FSTL5: variants seen among roughly 807,000 people sequenced by gnomAD.
The protein encoded by FSTL5 is follistatin like 5, also known as follistatin-related protein 5.
A neutral mutation model predicts 89.1 loss-of-function variants in FSTL5; 62 were observed. That is an observed-to-expected ratio of 0.70 (90% CI 0.57 to 0.86). The LOEUF is 0.86. Ranked by LOEUF, FSTL5 falls within the 40% of genes least tolerant of loss-of-function variation. The pLI is 0.00. For synonymous variants in FSTL5, 383 were observed against 346.2 expected (o/e 1.11, Z -1.18); for missense variants, 1,057 against 1,001.6 (o/e 1.06, Z -0.75).
chr4:161,779,289 G>T (rs1741534906), intron 4 of FSTL5, among the ~76,000 whole-genome samples: 1 of 152,050 alleles, frequency 6.6e-6, no homozygotes, highest in African/African-American at 2.4e-5. Flanking sequence ...AAAAATTGCA[G>T]TTAAGGCATT....
chr4:161,794,513 CT>C (rs940404139), intron 4 of FSTL5, among the ~76,000 whole-genome samples: 3 of 152,082 alleles, frequency 2.0e-5, no homozygotes, highest in Non-Finnish European at 2.9e-5. Context: ...GAAAAATATG[CT>C]TTTATCAATG....
chr4:161,890,143 T>C (rs895458481), intron 4 of FSTL5, among the ~76,000 whole-genome samples: 2 of 152,160 alleles, frequency 1.3e-5, no homozygotes, highest in East Asian at 1.9e-4. Context: ...TCAGTCTATA[T>C]AGCATCTTTA....
At chr4:161,431,102 A>T (rs1404933140) in intron 15 of FSTL5, among the ~76,000 whole-genome samples, 2 of 152,196 alleles carry the variant, frequency 1.3e-5, no homozygotes, top group Non-Finnish European at 2.9e-5. Flanking sequence ...ATAAGAAATC[A>T]TCTGAAGGAA....
intron 8 of FSTL5, among the ~76,000 whole-genome samples, chr4:161,580,100 G>C (rs564587858): frequency 2.0e-5 from 3 of 152,028 alleles, no homozygotes; most frequent in Non-Finnish European, 2.9e-5. Flanking sequence ...TTTTGAACAT[G>C]TCTATATTCT....
At chr4:161,805,754 G>C (rs939043788) in intron 4 of FSTL5, among the ~76,000 whole-genome samples, 5 of 152,046 alleles carry the variant, frequency 3.3e-5, no homozygotes, top group Non-Finnish European at 7.4e-5. Context: ...TATTGACCTG[G>C]AGGTGCTCAG....
At chr4:161,415,846 A>G (rs1480449252) in intron 15 of FSTL5, among the ~76,000 whole-genome samples, 2 of 116,030 alleles carry the variant, frequency 1.7e-5, no homozygotes, top group Admixed American at 9.6e-5. Context: ...ATATATATAT[A>G]TATCATTTCA....
At chr4:162,135,750 G>T (rs1408935501) in intron 1 of FSTL5, among the ~76,000 whole-genome samples, 1 of 152,062 alleles carries the variant, frequency 6.6e-6, no homozygotes. Flanking sequence ...GTACCTGGCA[G>T]ATAAAATGGC....
intron 10 of FSTL5, among the ~76,000 whole-genome samples, chr4:161,516,724 T>TAC (rs35139981): frequency 0.07 from 8,895 of 127,254 alleles, 739 homozygotes; most frequent in African/African-American, 0.12. Flanking sequence ...TATATATATG[T>TAC]ACACACACAC....
At chr4:161,641,344 C>T (rs923635829) in intron 7 of FSTL5, among the ~76,000 whole-genome samples, 1 of 152,056 alleles carries the variant, frequency 6.6e-6, no homozygotes, top group African/African-American at 2.4e-5. Flanking sequence ...GAAACTACTT[C>T]ATTTGAACTA....
chr4:161,752,183 T>C (rs569169793), intron 6 of FSTL5, among the ~76,000 whole-genome samples: 1 of 152,004 alleles, frequency 6.6e-6, no homozygotes, highest in Non-Finnish European at 1.5e-5. Context: ...AGGATGCCTG[T>C]GAAACCACTA....
chr4:161,936,016 C>T (rs1252889312), intron 3 of FSTL5, among the ~76,000 whole-genome samples: 1 of 152,136 alleles, frequency 6.6e-6, no homozygotes, highest in Non-Finnish European at 1.5e-5. Context: ...AACCCTGTCT[C>T]TACTAAAAAT....
At chr4:161,490,873 A>T (rs899809366) in intron 12 of FSTL5, among the ~76,000 whole-genome samples, 26 of 152,252 alleles carry the variant, frequency 1.7e-4, no homozygotes, top group African/African-American at 6.3e-4. Context: ...ATTGTTATAC[A>T]TGTATACCAT....
chr4:161,894,684 G>A (rs1353675097), intron 4 of FSTL5, among the ~76,000 whole-genome samples: 3 of 151,928 alleles, frequency 2.0e-5, no homozygotes, highest in South Asian at 2.1e-4. Flanking sequence ...TCTCCATGTC[G>A]ACCAGGCTGA....
At chr4:161,637,681 T>C (rs1735774224) in intron 7 of FSTL5, among the ~76,000 whole-genome samples, 1 of 116,660 alleles carries the variant, frequency 8.6e-6, no homozygotes, top group African/African-American at 3.7e-5. Flanking sequence ...TTTCTACATA[T>C]GGCTAGCCAG....
intron 3 of FSTL5, among the ~76,000 whole-genome samples, chr4:162,008,255 G>C (rs1279264420): frequency 2.0e-5 from 3 of 151,648 alleles, no homozygotes; most frequent in African/African-American, 7.3e-5. Flanking sequence ...TAAACATACT[G>C]TATAAAATTA....
At chr4:161,909,501 T>A (rs1365250271) in intron 4 of FSTL5, among the ~76,000 whole-genome samples, 1 of 152,098 alleles carries the variant, frequency 6.6e-6, no homozygotes, top group Non-Finnish European at 1.5e-5. Flanking sequence ...CTGCTAGAAT[T>A]CCTACACTAC....
intron 3 of FSTL5, among the ~76,000 whole-genome samples, chr4:161,992,914 A>ATG: frequency 8.7e-5 from 1 of 11,468 alleles, no homozygotes; most frequent in African/African-American, 1.9e-4. Context: ...GTATATATAT[A>ATG]TATATATATA....
chr4:162,147,550 A>T (rs1366959730), intron 1 of FSTL5, among the ~76,000 whole-genome samples: 1 of 152,196 alleles, frequency 6.6e-6, no homozygotes, highest in African/African-American at 2.4e-5. Context: ...AAGAAAATAC[A>T]AAATAAAGTG....
intron 4 of FSTL5, among the ~76,000 whole-genome samples, chr4:161,858,928 A>G (rs1473862891): frequency 6.7e-6 from 1 of 149,802 alleles, no homozygotes; most frequent in East Asian, 1.9e-4. Context: ...ATTGCTGGGA[A>G]AAAAAAATCT....
Sources: gnomAD v4.1 joint callset for allele counts (sites outside exome capture counted in the v4.1 genomes callset) on GRCh38, gnomAD v4.1.1 for gene constraint, MANE v1.5 for transcripts, NCBI Gene and HGNC (gene_info 2026-07-23, HGNC 2026-07-21) for gene names.